KCNH7: variants seen among roughly 807,000 people sequenced by gnomAD.
KCNH7 encodes the protein potassium voltage-gated channel subfamily H member 7.
In KCNH7, 49 loss-of-function variants were observed where a neutral mutation model predicts 120.8. The observed-to-expected ratio is 0.41, with a 90% CI of 0.32 to 0.51. The LOEUF is 0.51. Ranked by LOEUF, KCNH7 falls within the 20% of genes least tolerant of loss-of-function variation. The pLI, the probability that KCNH7 is intolerant of heterozygous loss-of-function variation, is 0.38. For missense variants in KCNH7, 1,097 were observed against 1,446.6 expected, an observed-to-expected ratio of 0.76 and a Z score of 3.92; for synonymous variants, 547 against 516.1, an observed-to-expected ratio of 1.06 and a Z score of -0.81.
intron 2 of KCNH7, among the ~76,000 whole-genome samples, chr2:162,824,949 T>A (rs760675666): frequency 2.0e-5 from 3 of 151,984 alleles, no homozygotes; most frequent in Non-Finnish European, 4.4e-5. Context: ...TAGTTATAAT[T>A]TTCATTATGG....
rs144443394 is a variant in KCNH7, at chr2:162,636,791, T to C, written c.308-99711A>G. Among the ~76,000 whole-genome samples the C allele has an allele frequency of 9.7e-3, 1,482 of 152,230 alleles. 32 individuals carry two copies. The highest frequency in any genetic ancestry group is 0.033 in the African/African-American group (1,390 of 41,562). On this transcript the variant is annotated intron_variant, in intron 2 of 15. Coordinates refer to ENST00000332142, the MANE Select transcript of KCNH7 (RefSeq NM_033272.4). ...GGGTAGAAAACAAAGCTATTTATTC[T>C]ATTTTCCTTCAATGGCCCAAGTTAT... is the stretch of plus-strand genomic sequence containing the variant.
chr2:162,514,025 C>T (rs976425610), intron 4 of KCNH7, among the ~76,000 whole-genome samples: 1 of 151,818 alleles, frequency 6.6e-6, no homozygotes, highest in African/African-American at 2.4e-5. Flanking sequence ...ATAAACGTCA[C>T]TGTCATATCA....
intron 9 of KCNH7, among the ~76,000 whole-genome samples, chr2:162,405,754 A>T (rs1687195905): frequency 6.6e-6 from 1 of 151,970 alleles, no homozygotes. Flanking sequence ...TAATTCTTTA[A>T]ATTTAAACTT....
intron 2 of KCNH7, among the ~76,000 whole-genome samples, chr2:162,555,955 A>G (rs1169136313): frequency 6.6e-6 from 1 of 152,120 alleles, no homozygotes; most frequent in African/African-American, 2.4e-5. Context: ...AAAATAAAAT[A>G]GAACGCTGCG....
At chr2:162,745,151 C>CAAAAG (rs1688271951) in intron 2 of KCNH7, among the ~76,000 whole-genome samples, 1 of 152,180 alleles carries the variant, frequency 6.6e-6, no homozygotes, top group African/African-American at 2.4e-5. Flanking sequence ...TTTTTGTGAA[C>CAAAAG]TTGACTAGTA....
intron 2 of KCNH7, among the ~76,000 whole-genome samples, chr2:162,638,058 A>G (rs1028190604): frequency 1.3e-5 from 2 of 152,062 alleles, no homozygotes; most frequent in Non-Finnish European, 2.9e-5. Flanking sequence ...TAGCTATAAT[A>G]TAATACTTGA....
intron 2 of KCNH7, among the ~76,000 whole-genome samples, chr2:162,723,675 T>C (rs926874101): frequency 2.0e-5 from 3 of 152,180 alleles, no homozygotes; most frequent in African/African-American, 7.2e-5. Flanking sequence ...CTTCAGTTTC[T>C]TTTTTTGTAC....
rs536448725 is a variant in KCNH7 at position 162,778,702 on chromosome 2, A to G, written c.307+57835T>C. 3.3e-4 allele frequency among the ~76,000 whole-genome samples: 51 copies of G among 152,330 alleles called. 1 individual carries two copies. The South Asian group carries it at 9.7e-3, about 29-fold the overall frequency. ...CTTTTTACAATTATTAAATCACACA[A>G]AAAGAGATGATAGAGAATAAATGGG... On this transcript the variant is annotated intron_variant, in intron 2 of 15. Coordinates refer to ENST00000332142, the MANE Select transcript of KCNH7 (RefSeq NM_033272.4).
At chr2:162,661,356 C>G (rs551934959) in intron 2 of KCNH7, among the ~76,000 whole-genome samples, 4 of 151,842 alleles carry the variant, frequency 2.6e-5, no homozygotes, top group African/African-American at 9.7e-5. Context: ...AAGATCATAG[C>G]AAGAAAGAAA....
chr2:162,799,949 T>TACAC (rs3052920), intron 2 of KCNH7, among the ~76,000 whole-genome samples: 14,421 of 146,328 alleles, frequency 0.099, 756 homozygotes, highest in African/African-American at 0.14. Context: ...TTTACACACA[T>TACAC]ACACACACAC....
At chr2:162,752,929 A>AAAAGAAAAG in intron 2 of KCNH7, among the ~76,000 whole-genome samples, 6 of 81,768 alleles carry the variant, frequency 7.3e-5, no homozygotes, top group Admixed American at 3.7e-4. Flanking sequence ...AAAAGAAAAG[A>AAAAGAAAAG]AAAGAAAAGA....
intron 9 of KCNH7, among the ~76,000 whole-genome samples, chr2:162,414,891 T>C (rs1396390576): frequency 2.0e-5 from 3 of 152,078 alleles, no homozygotes; most frequent in Non-Finnish European, 4.4e-5. Flanking sequence ...TTATGAGGCC[T>C]ATAGAGGTAA....
intron 2 of KCNH7, among the ~76,000 whole-genome samples, chr2:162,603,213 A>T (rs1694618662): frequency 6.6e-6 from 1 of 152,064 alleles, no homozygotes; most frequent in African/African-American, 2.4e-5. Flanking sequence ...CTGGTACAAC[A>T]TGTATGCCAG....
chr2:162,506,810 A>G (rs975657451), intron 5 of KCNH7, among the ~76,000 whole-genome samples: 27 of 151,956 alleles, frequency 1.8e-4, no homozygotes, highest in Non-Finnish European at 3.2e-4. Flanking sequence ...GGCTACACTT[A>G]TATAAGCATG....
intron 7 of KCNH7, among the ~76,000 whole-genome samples, chr2:162,439,892 A>C (rs1317434655): frequency 6.6e-6 from 1 of 151,666 alleles, no homozygotes; most frequent in Non-Finnish European, 1.5e-5. Context: ...CTAAGTCCAG[A>C]CTCAAGAAGA....
chr2:162,724,054 G>C (rs1378604321), intron 2 of KCNH7, among the ~76,000 whole-genome samples: 1 of 151,434 alleles, frequency 6.6e-6, no homozygotes, highest in Non-Finnish European at 1.5e-5. Flanking sequence ...TGGAGTAACA[G>C]GTAATAATGA....
chr2:162,540,992 G>A (rs1692284236), intron 2 of KCNH7, among the ~76,000 whole-genome samples: 1 of 152,028 alleles, frequency 6.6e-6, no homozygotes, highest in Admixed American at 6.6e-5. Context: ...CATTGGATGG[G>A]ACATAAGATA....
At chr2:162,664,096 T>C (rs899811796) in intron 2 of KCNH7, among the ~76,000 whole-genome samples, 3 of 152,162 alleles carry the variant, frequency 2.0e-5, no homozygotes, top group Non-Finnish European at 4.4e-5. Context: ...CTGATCTTCA[T>C]TTCTTTCTCT....
intron 2 of KCNH7, among the ~76,000 whole-genome samples, chr2:162,712,756 A>G (rs1410288864): frequency 1.3e-5 from 2 of 152,222 alleles, no homozygotes; most frequent in African/African-American, 4.8e-5. Context: ...TTAGATGACC[A>G]TTTAAAAAGC....
Sources: gnomAD v4.1 joint callset for allele counts (sites outside exome capture counted in the v4.1 genomes callset) on GRCh38, gnomAD v4.1.1 for gene constraint, MANE v1.5 for transcripts, NCBI Gene and HGNC (gene_info 2026-07-23, HGNC 2026-07-21) for gene names.